The following PRKAR1B variants were observed in gnomAD, a reference collection of about 807,000 sequenced individuals.
PRKAR1B encodes the protein cAMP-dependent protein kinase type I-beta regulatory subunit.
A neutral mutation model predicts 46.5 loss-of-function variants in PRKAR1B; 22 were observed. That is an observed-to-expected ratio of 0.47 (90% CI 0.34 to 0.68). PRKAR1B has a LOEUF of 0.68. Among genes scored for constraint, PRKAR1B ranks in the 30% least tolerant of loss-of-function variants. The pLI is 0.01. For missense variants in PRKAR1B, 445 were observed against 535.6 expected, an observed-to-expected ratio of 0.83 and a Z score of 1.67; for synonymous variants, 259 against 217.7, an observed-to-expected ratio of 1.19 and a Z score of -1.67.
At chr7:634,062 T>C (rs1234893557) in intron 4 of PRKAR1B, among the ~76,000 whole-genome samples, 1 of 152,092 alleles carries the variant, frequency 6.6e-6, no homozygotes, top group Non-Finnish European at 1.5e-5. Context: ...TAGTTCTGCC[T>C]CCCAGGCTGC....
chr7:696,525 C>T (rs116623615), intron 2 of PRKAR1B, among the ~76,000 whole-genome samples: 5,072 of 149,798 alleles, frequency 0.034, 318 homozygotes, highest in African/African-American at 0.12. Context: ...CCACCTGCCT[C>T]CATCTCCCAA....
At chr7:671,851 C>G (rs566756495) in intron 4 of PRKAR1B, among the ~76,000 whole-genome samples, 1 of 152,336 alleles carries the variant, frequency 6.6e-6, no homozygotes, top group East Asian at 1.9e-4. Context: ...GAACGGGCCC[C>G]AGGCCCTTTG....
intron 3 of PRKAR1B, among the ~76,000 whole-genome samples, chr7:677,996 C>A (rs572106476): frequency 3.3e-5 from 5 of 152,312 alleles, no homozygotes; most frequent in African/African-American, 1.2e-4. Context: ...ACAGGCCGGG[C>A]ACGGTGGCTC....
chr7:722,096 CTTT>C (rs147399956), intron 1 of PRKAR1B, among the ~76,000 whole-genome samples: 1 of 92,344 alleles, frequency 1.1e-5, no homozygotes, highest in Admixed American at 1.2e-4. Context: ...AGTTTTCAGC[CTTT>C]TTTTTTTTTT....
At chr7:556,236 A>G (rs1296582701) in intron 9 of PRKAR1B, among the ~76,000 whole-genome samples, 2 of 151,832 alleles carry the variant, frequency 1.3e-5, no homozygotes, top group African/African-American at 4.8e-5. Flanking sequence ...CTGGACACCC[A>G]CCACGTGCCA....
At chr7:610,171 CA>C (rs756522550) in intron 4 of PRKAR1B, among the ~76,000 whole-genome samples, 1 of 152,214 alleles carries the variant, frequency 6.6e-6, no homozygotes, top group Non-Finnish European at 1.5e-5. Context: ...TCCCCATGAA[CA>C]GGGGGCAGGT....
intron 4 of PRKAR1B, among the ~76,000 whole-genome samples, chr7:618,818 C>T (rs1475614022): frequency 6.6e-6 from 1 of 152,164 alleles, no homozygotes. Flanking sequence ...GGTTGCTTGT[C>T]GGGTTTAGAT....
chr7:653,463 C>G (rs774193761), intron 4 of PRKAR1B, among the ~76,000 whole-genome samples: 18 of 152,174 alleles, frequency 1.2e-4, no homozygotes, highest in Non-Finnish European at 2.1e-4. Context: ...TTCCCAGAAG[C>G]CTTTAGTAAA....
intron 9 of PRKAR1B, among the ~76,000 whole-genome samples, chr7:554,723 G>A (rs1311410749): frequency 6.7e-6 from 1 of 150,228 alleles, no homozygotes; most frequent in African/African-American, 2.4e-5. Flanking sequence ...ATCCCACAGA[G>A]CCGGAAGACA....
rs999997018 is a variant in PRKAR1B at position 581,556 on chromosome 7, A to G, written c.770-2179T>C. Among the ~76,000 whole-genome samples the G allele has an allele frequency of 2.0e-5, 3 of 152,364 alleles. No individual in the cohort carries two copies. The East Asian group carries it at 5.8e-4, about 29-fold the overall frequency. On this transcript the variant is annotated intron_variant, in intron 8 of 10. Transcript: ENST00000537384. Reference sequence around the variant, plus strand: ...GCATCTCATTTCAGAAGTCAGCTGCAGTTAGGAAGTTCATTTCCACATATT... The same window carrying G: ...GCATCTCATTTCAGAAGTCAGCTGCGGTTAGGAAGTTCATTTCCACATATT...
At chr7:717,259 A>G (rs1026260034) in intron 1 of PRKAR1B, among the ~76,000 whole-genome samples, 1 of 152,122 alleles carries the variant, frequency 6.6e-6, no homozygotes, top group African/African-American at 2.4e-5. Context: ...ACTCCGTTCC[A>G]GCCTGGGCAA....
At chr7:556,928 G>A (rs769086208) in intron 9 of PRKAR1B, among the ~76,000 whole-genome samples, 3 of 152,148 alleles carry the variant, frequency 2.0e-5, no homozygotes, top group South Asian at 2.1e-4. Flanking sequence ...AAGAGTCCCC[G>A]TGCAAAGCTA....
intron 9 of PRKAR1B, among the ~76,000 whole-genome samples, chr7:573,097 A>G (rs1210862487): frequency 6.6e-6 from 1 of 152,178 alleles, no homozygotes; most frequent in Non-Finnish European, 1.5e-5. Flanking sequence ...TGGAAACCGC[A>G]ATAAGCTGCG....
intron 2 of PRKAR1B, among the ~76,000 whole-genome samples, chr7:697,460 C>T (rs1008327209): frequency 7.2e-5 from 11 of 152,166 alleles, no homozygotes; most frequent in African/African-American, 2.2e-4. Flanking sequence ...ATGCCTTCAA[C>T]GGAGGGCGTC....
At chr7:634,648 T>G (rs529566858) in intron 4 of PRKAR1B, among the ~76,000 whole-genome samples, 35 of 151,528 alleles carry the variant, frequency 2.3e-4, no homozygotes, top group Non-Finnish European at 4.4e-4. Context: ...TTACTGTTTT[T>G]TTTTTTTTTA....
chr7:693,141 G>T (rs1013340391), intron 2 of PRKAR1B, among the ~76,000 whole-genome samples: 4 of 151,808 alleles, frequency 2.6e-5, no homozygotes, highest in African/African-American at 9.7e-5. Context: ...CCCCATGTTG[G>T]CCAAGCTGGT....
Position 576,991 on chromosome 7 carries a change from C to T in PRKAR1B, c.891+2265G>A, listed in dbSNP as rs550487564. ...CAGCGGCCTCGTCCAACGCCATCAG[C>T]GGCCTCATCCAACTCCATCAGTCGC... On this transcript the variant is annotated intron_variant, in intron 9 of 10. Coordinates refer to ENST00000537384, the MANE Select transcript of PRKAR1B (RefSeq NM_001164760.2). Among the ~76,000 whole-genome samples, 49 of 151,186 alleles carry T rather than the reference C, an allele frequency of 3.2e-4. No individual in the cohort carries two copies. In the Middle Eastern group the frequency reaches 0.011, roughly 33 times the overall value.
intron 4 of PRKAR1B, among the ~76,000 whole-genome samples, chr7:625,211 G>GAAATGA (rs2128475568): frequency 1.3e-5 from 2 of 152,224 alleles, no homozygotes; most frequent in South Asian, 4.1e-4. Context: ...TATTTTGAAC[G>GAAATGA]AAATGAAAAT....
chr7:609,226 G>A (rs938986911), intron 4 of PRKAR1B, among the ~76,000 whole-genome samples: 6 of 152,198 alleles, frequency 3.9e-5, no homozygotes, highest in East Asian at 3.8e-4. Flanking sequence ...CCCTGGCACC[G>A]TTCTCTAAAC....
Sources: gnomAD v4.1 joint callset for allele counts (sites outside exome capture counted in the v4.1 genomes callset) on GRCh38, gnomAD v4.1.1 for gene constraint, MANE v1.5 for transcripts, NCBI Gene and HGNC (gene_info 2026-07-23, HGNC 2026-07-21) for gene names.